The following WIPF2 variants were observed in gnomAD, a reference collection of about 807,000 sequenced individuals.
The protein encoded by WIPF2 is WAS/WASL interacting protein family member 2.
WIPF2 carries 23 observed loss-of-function variants against 38.8 expected under a neutral mutation model. The observed-to-expected ratio is 0.59, with a 90% CI of 0.43 to 0.84. WIPF2 has a LOEUF of 0.84. Ranked by LOEUF, WIPF2 falls within the 40% of genes least tolerant of loss-of-function variation. The pLI is 0.00. For synonymous variants in WIPF2, 210 were observed against 223.2 expected, an observed-to-expected ratio of 0.94 and a Z score of 0.53; for missense variants, 574 against 580.5, an observed-to-expected ratio of 0.99 and a Z score of 0.11.
At chr17:40,273,718 CAT>C in intron 5 of WIPF2, 70 bp from the exon 6 acceptor site, 1 of 946,320 alleles carries the variant, frequency 1.1e-6, no homozygotes, top group South Asian at 1.3e-5. Flanking sequence ...TCTTTTAGCT[CAT>C]GTGTTTCAAG....
At chr17:40,277,482 C>A (rs1342736568) in intron 7 of WIPF2, among the ~76,000 whole-genome samples, 1 of 152,050 alleles carries the variant, frequency 6.6e-6, no homozygotes, top group East Asian at 1.9e-4. Flanking sequence ...GAGATCAAGA[C>A]CATCCTAGCT....
At chr17:40,225,558 C>A (rs2030444310) in intron 1 of WIPF2, among the ~76,000 whole-genome samples, 1 of 152,144 alleles carries the variant, frequency 6.6e-6, no homozygotes, top group South Asian at 2.1e-4. Context: ...GAATGGCTAT[C>A]CAACAATGTG....
intron 1 of WIPF2, among the ~76,000 whole-genome samples, chr17:40,239,135 G>A (rs901393489): frequency 5.3e-5 from 8 of 150,434 alleles, no homozygotes; most frequent in East Asian, 2.0e-4. Flanking sequence ...GCAGTGGTGC[G>A]ATCTCGGCTC....
At chr17:40,276,680 A>T (rs562668307) in intron 6 of WIPF2, among the ~76,000 whole-genome samples, 103 of 152,190 alleles carry the variant, frequency 6.8e-4, no homozygotes, top group African/African-American at 2.3e-3. Flanking sequence ...TTGGGAGGCC[A>T]GGTGGGGAGA....
intron 1 of WIPF2, among the ~76,000 whole-genome samples, chr17:40,241,032 A>G (rs2031172981): frequency 6.6e-6 from 1 of 152,042 alleles, no homozygotes; most frequent in South Asian, 2.1e-4. Context: ...TATTATGTTT[A>G]ACATGTTATT....
Sources: gnomAD v4.1 joint callset for allele counts (sites outside exome capture counted in the v4.1 genomes callset) on GRCh38, gnomAD v4.1.1 for gene constraint, MANE v1.5 for transcripts, NCBI Gene and HGNC (gene_info 2026-07-23, HGNC 2026-07-21) for gene names.